PTPRN2: variants seen among roughly 807,000 people sequenced by gnomAD.
PTPRN2 encodes the protein protein tyrosine phosphatase receptor type N2.
Under a neutral mutation model 118.8 loss-of-function variants are expected in PTPRN2, and 74 were observed. The observed-to-expected ratio is 0.62, with a 90% CI of 0.52 to 0.76. The LOEUF is 0.76. Ranked by LOEUF, PTPRN2 falls within the 30% of genes least tolerant of loss-of-function variation. The probability of loss-of-function intolerance (pLI) is 0.00; values close to 1 mark genes in which losing one functional copy is unlikely to be tolerated. For synonymous variants in PTPRN2, 641 were observed against 608.0 expected (o/e 1.05, Z -0.80); for missense variants, 1,481 against 1,394.4 (o/e 1.06, Z -0.99).
intron 11 of PTPRN2, among the ~76,000 whole-genome samples, chr7:157,914,601 C>CT (rs566854789): frequency 0.1 from 14,983 of 145,646 alleles, 2,267 homozygotes; most frequent in African/African-American, 0.33. Flanking sequence ...ATGTAGCTAC[C>CT]TTTTTTTTTT....
At chr7:157,727,142 C>T (rs1476687107) in intron 12 of PTPRN2, among the ~76,000 whole-genome samples, 2 of 152,194 alleles carry the variant, frequency 1.3e-5, no homozygotes, top group African/African-American at 4.8e-5. Context: ...CCATGGAGAA[C>T]AACTGAAAGC....
chr7:158,387,539 G>A (rs899354848), intron 2 of PTPRN2, among the ~76,000 whole-genome samples: 2 of 152,288 alleles, frequency 1.3e-5, no homozygotes, highest in African/African-American at 2.4e-5. Flanking sequence ...GTCCTGGGGG[G>A]ACTGGACTCC....
intron 11 of PTPRN2, among the ~76,000 whole-genome samples, chr7:157,913,553 A>G (rs537419684): frequency 1.3e-5 from 2 of 152,244 alleles, no homozygotes; most frequent in Non-Finnish European, 2.9e-5. Flanking sequence ...AAAAATCAAA[A>G]TAAGAACAAA....
chr7:158,330,791 C>T (rs1347158157), intron 2 of PTPRN2, among the ~76,000 whole-genome samples: 49 of 110,400 alleles, frequency 4.4e-4, no homozygotes, highest in Admixed American at 4.0e-4. Flanking sequence ...TCACTCACAC[C>T]CACACTCTCA....
intron 11 of PTPRN2, among the ~76,000 whole-genome samples, chr7:157,992,014 G>C (rs540546291): frequency 1.3e-5 from 2 of 152,354 alleles, no homozygotes; most frequent in East Asian, 3.9e-4. Context: ...GCTCCAGCCA[G>C]TATTTGAGAA....
At chr7:157,811,270 CAAA>C (rs34148043) in intron 12 of PTPRN2, among the ~76,000 whole-genome samples, 23 of 126,600 alleles carry the variant, frequency 1.8e-4, no homozygotes, top group African/African-American at 5.9e-4. Context: ...GACTCCATCT[CAAA>C]AAAAAAAACC....
chr7:158,171,129 CATAT>C (rs1287746100), intron 5 of PTPRN2, among the ~76,000 whole-genome samples: 1 of 92,942 alleles, frequency 1.1e-5, no homozygotes, highest in Non-Finnish European at 2.2e-5. Context: ...CATATATACA[CATAT>C]ATACACACAT....
intron 9 of PTPRN2, among the ~76,000 whole-genome samples, chr7:158,132,586 T>C (rs1371213697): frequency 1.8e-5 from 2 of 109,984 alleles, no homozygotes; most frequent in African/African-American, 8.0e-5. Flanking sequence ...TATAGACACA[T>C]GCATATGCAC....
chr7:157,791,443 G>C, intron 12 of PTPRN2, among the ~76,000 whole-genome samples: 1 of 152,214 alleles, frequency 6.6e-6, no homozygotes, highest in East Asian at 1.9e-4. Context: ...TCTGAGGTCG[G>C]GACTGGTGCA....
At chr7:157,938,637 C>T (rs1202149175) in intron 11 of PTPRN2, among the ~76,000 whole-genome samples, 1 of 152,102 alleles carries the variant, frequency 6.6e-6, no homozygotes, top group Non-Finnish European at 1.5e-5. Context: ...AGTCTTACCA[C>T]ATAGACAAAT....
chr7:158,012,536 G>C (rs777588741), intron 11 of PTPRN2, among the ~76,000 whole-genome samples: 1 of 152,220 alleles, frequency 6.6e-6, no homozygotes, highest in Non-Finnish European at 1.5e-5. Context: ...ACGGAGGCAT[G>C]GGCAGTGGCC....
intron 2 of PTPRN2, among the ~76,000 whole-genome samples, chr7:158,441,944 G>C (rs1426760143): frequency 7.9e-5 from 9 of 113,714 alleles, no homozygotes; most frequent in African/African-American, 2.9e-4. Context: ...GGCAGTGGTG[G>C]TGGTGATAGT....
chr7:157,687,479 T>C (rs1797255381), intron 12 of PTPRN2, among the ~76,000 whole-genome samples: 1 of 152,250 alleles, frequency 6.6e-6, no homozygotes, highest in Admixed American at 6.5e-5. Flanking sequence ...TCGGTGCCAG[T>C]TAATGTTAAA....
Position 158,071,762 on chromosome 7 carries a change from C to T in PTPRN2, c.1723+9536G>A, listed in dbSNP as rs199713637. The stretch of plus-strand genomic sequence containing the variant: ...TGGAGGTGCTCATGGTGGAGGTGCT[C>T]GTGGTGATGGAGGTGCTTGTGGTGG... On this transcript the variant is annotated intron_variant, in intron 11 of 22. Coordinates refer to ENST00000389418, the MANE Select transcript of PTPRN2 (RefSeq NM_002847.5). Among the ~76,000 whole-genome samples the T allele has an allele frequency of 8.7e-3, 700 of 80,426 alleles. 30 individuals carry two copies. The highest frequency in any genetic ancestry group is 0.042 in the African/African-American group (489 of 11,706). The allele number at this position is 80,426 out of a possible 152,430, so 52.8% of individuals were successfully genotyped here.
intron 6 of PTPRN2, among the ~76,000 whole-genome samples, chr7:158,162,858 G>T (rs1822488254): frequency 6.6e-6 from 1 of 152,320 alleles, no homozygotes; most frequent in African/African-American, 2.4e-5. Flanking sequence ...GTACGCGTGG[G>T]TCTTCTCTCC....
intron 3 of PTPRN2, among the ~76,000 whole-genome samples, chr7:158,271,347 G>T (rs1798505268): frequency 6.6e-6 from 1 of 152,186 alleles, no homozygotes. Context: ...CCGACAATCG[G>T]CAGATCCATA....
intron 12 of PTPRN2, among the ~76,000 whole-genome samples, chr7:157,827,935 A>G (rs1420034642): frequency 1.3e-5 from 2 of 152,128 alleles, no homozygotes; most frequent in African/African-American, 2.4e-5. Flanking sequence ...TTGAAGCCCC[A>G]GGACACAGTT....
chr7:157,568,539 A>G (rs914584570), intron 21 of PTPRN2, among the ~76,000 whole-genome samples: 8 of 152,224 alleles, frequency 5.3e-5, no homozygotes, highest in African/African-American at 1.9e-4. Flanking sequence ...ACAACACTGA[A>G]GGACCCGAGG....
At chr7:158,170,180 A>G (rs1471022773) in intron 5 of PTPRN2, among the ~76,000 whole-genome samples, 12 of 152,208 alleles carry the variant, frequency 7.9e-5, no homozygotes, top group Non-Finnish European at 4.4e-5. Flanking sequence ...ATGCCACCAC[A>G]ACAAACAGCC....
Sources: gnomAD v4.1 joint callset for allele counts (sites outside exome capture counted in the v4.1 genomes callset) on GRCh38, gnomAD v4.1.1 for gene constraint, MANE v1.5 for transcripts, NCBI Gene and HGNC (gene_info 2026-07-23, HGNC 2026-07-21) for gene names.